The following TOPAZ1 variants were observed in gnomAD, a reference collection of about 807,000 sequenced individuals.
The protein encoded by TOPAZ1 is testis and ovary specific TOPAZ 1, also known as protein TOPAZ1.
TOPAZ1 carries 66 observed loss-of-function variants against 172.2 expected under a neutral mutation model. That is an observed-to-expected ratio of 0.38 (90% CI 0.31 to 0.47). The LOEUF is 0.47. Ranked by LOEUF, TOPAZ1 falls within the 20% of genes least tolerant of loss-of-function variation. The pLI is 0.99. For missense variants in TOPAZ1, 1,822 were observed against 1,972.4 expected, an observed-to-expected ratio of 0.92 and a Z score of 1.44; for synonymous variants, 681 against 683.9, an observed-to-expected ratio of 1.00 and a Z score of 0.07.
At chr3:44,269,175 G>GT (rs1481051085) in intron 6 of TOPAZ1, 41 bp from the exon 7 acceptor site, 1 of 1,059,438 alleles carries the variant, frequency 9.4e-7, no homozygotes, top group African/African-American at 1.6e-5. Flanking sequence ...AAAATAAGTT[G>GT]TAACATATTG....
At chr3:44,298,921 T>TG (rs1482074547) in intron 12 of TOPAZ1, among the ~76,000 whole-genome samples, 5 of 41,730 alleles carry the variant, frequency 1.2e-4, no homozygotes, top group African/African-American at 4.4e-4. Context: ...TTTTTTTTTT[T>TG]TTTTTTTTTT....
chr3:44,306,568 A>G, intron 15 of TOPAZ1, 142 bp downstream of exon 15: 1 of 503,800 alleles, frequency 2.0e-6, no homozygotes, highest in Non-Finnish European at 3.6e-6. Context: ...CTAGTGAGTG[A>G]TTTATTAGAT....
rs370397602 is a variant in TOPAZ1, at chr3:44,273,414, CTTT to C, written c.3372+2607_3372+2609del. The stretch of plus-strand genomic sequence containing the variant: ...CAAGAGCCAGAGTTTCTTACATCTT[CTTT>C]TTGTTTTCAATCTCTTTTCCTCTTT... On this transcript the variant is annotated intron_variant, in intron 8 of 19. Coordinates refer to ENST00000309765, the MANE Select transcript of TOPAZ1 (RefSeq NM_001145030.2). Among the ~76,000 whole-genome samples, 315 of 152,304 alleles carry C rather than the reference CTTT, an allele frequency of 2.1e-3. 1 individual carries two copies. Among genetic ancestry groups the C allele is most frequent in the African/African-American group, 6.4e-3 (267 of 41,576 alleles).
chr3:44,287,505 C>G lies in TOPAZ1; in HGVS notation c.3553C>G (p.Gln1185Glu), dbSNP rs972683912. ...ACATTGTTTGTTGAAAGAAGTATTT[C>G]AGATAGTGAACCTCAGCATAATGGT... is the stretch of plus-strand genomic sequence containing the variant. ...LKHCLLKEVF[Q>E]IVNLSIMVKM... The change falls in exon 10 of 20, where the codon CAG (glutamine) becomes GAG (glutamate). Residue 1185 changes from glutamine to glutamate, a missense_variant. Coordinates refer to ENST00000309765, the MANE Select transcript of TOPAZ1 (RefSeq NM_001145030.2). 1 of 1,523,282 alleles carries G rather than the reference C, an allele frequency of 6.6e-7. No homozygotes were observed. Among genetic ancestry groups the G allele is most frequent in the Non-Finnish European group, 8.8e-7 (1 of 1,134,888 alleles). The allele number at this position is 1,523,282 out of a possible 1,614,324, so 94.4% of individuals were successfully genotyped here.
intron 16 of TOPAZ1, 93 bp downstream of exon 16, chr3:44,310,083 G>T: frequency 1.2e-5 from 15 of 1,202,786 alleles, no homozygotes; most frequent in Non-Finnish European, 1.7e-5. Context: ...TTGAACTGTG[G>T]TTAATAGTTT....
At chr3:44,310,814 A>G (rs1700390030) in intron 16 of TOPAZ1, among the ~76,000 whole-genome samples, 1 of 152,196 alleles carries the variant, frequency 6.6e-6, no homozygotes, top group Admixed American at 6.5e-5. Flanking sequence ...ATGACTTCAA[A>G]CCAAGATGAG....
chr3:44,295,949 C>T (rs1449447722), intron 12 of TOPAZ1, among the ~76,000 whole-genome samples: 3 of 152,118 alleles, frequency 2.0e-5, no homozygotes, highest in Middle Eastern at 3.2e-3. Flanking sequence ...ATGGAATATT[C>T]ACCAAGGTAG....
chr3:44,265,577 A>C (rs938427264), intron 5 of TOPAZ1, among the ~76,000 whole-genome samples: 1 of 152,224 alleles, frequency 6.6e-6, no homozygotes, highest in African/African-American at 2.4e-5. Flanking sequence ...ACAGAAAAAA[A>C]CCAAAATATT....
rs527943102 is a variant in TOPAZ1 at position 44,290,883 on chromosome 3, C to T, written c.3794C>T (p.Ser1265Leu). The stretch of plus-strand genomic sequence containing the variant: ...ATAACTGCAGTTCTGGAAATGAAAT[C>T]GAGGTGAGAAAAATCATTATTATTT... ...QEITAVLEMK[S>L]RLQMRRFKKN... The change falls in exon 12 of 20, where the codon TCG becomes TTG. Residue 1265 changes from serine (S) to leucine (L), a missense_variant. By Grantham distance (145) the Ser-to-Leu change is moderately radical (BLOSUM62 -2). Coordinates refer to ENST00000309765, the MANE Select transcript of TOPAZ1 (RefSeq NM_001145030.2). 1.3e-5 allele frequency: 20 copies of T among 1,533,694 alleles called. No homozygotes were observed. Among genetic ancestry groups the T allele is most frequent in the Admixed American group, 4.2e-5 (2 of 47,750 alleles).
chr3:44,284,704 GA>G (rs1036775126), intron 9 of TOPAZ1, among the ~76,000 whole-genome samples: 1 of 152,098 alleles, frequency 6.6e-6, no homozygotes, highest in African/African-American at 2.4e-5. Flanking sequence ...TCCCTTTCCA[GA>G]AGTTTTATGG....
rs200638016 is a variant in TOPAZ1 at position 44,299,933 on chromosome 3, C to T, written c.3798-4082C>T. Among the ~76,000 whole-genome samples, 11 of 110,182 alleles carry T rather than the reference C, an allele frequency of 1.0e-4. No homozygotes were observed. The East Asian group carries it at 3.1e-3, about 31-fold the overall frequency. The allele number at this position is 110,182 out of a possible 152,430, so 72.3% of individuals were successfully genotyped here. On this transcript the variant is annotated intron_variant, in intron 12 of 19. Coordinates refer to ENST00000309765, the MANE Select transcript of TOPAZ1 (RefSeq NM_001145030.2). Reference sequence around the variant, plus strand: ...CACATGGACACAGGAAGAGGAACATCACACTCTGGGGACTGTTGTGGGGTG... The same window carrying T: ...CACATGGACACAGGAAGAGGAACATTACACTCTGGGGACTGTTGTGGGGTG...
At chr3:44,320,914 AT>A (rs1355480673) in intron 16 of TOPAZ1, 112 bp from the exon 17 acceptor site, 2 of 649,006 alleles carry the variant, frequency 3.1e-6, no homozygotes, top group Non-Finnish European at 5.1e-6. Flanking sequence ...CTGAGTACAT[AT>A]GTTTAAGTTT....
rs1230872005 is a variant in TOPAZ1 at position 44,270,781 on chromosome 3, G to A, written c.3343G>A (p.Ala1115Thr). ...CTGTGAGCGACCACTGTGCAAGTTT[G>A]CTCATGTGCCTGAACAAGGGGATGA... ...RGCERPLCKF[A>T]HVPEQGDEKV... is the part of the protein sequence containing the mutation. The change falls in exon 8 of 20, where the codon GCT (alanine) becomes ACT (threonine). Residue 1115 changes from alanine (A) to threonine (T), a missense_variant. Coordinates refer to ENST00000309765, the MANE Select transcript of TOPAZ1 (RefSeq NM_001145030.2). 3 of 1,549,648 alleles carry A rather than the reference G, an allele frequency of 1.9e-6. No homozygotes were observed. Among genetic ancestry groups the A allele is most frequent in the Admixed American group, 3.9e-5 (2 of 50,710 alleles).
intron 5 of TOPAZ1, among the ~76,000 whole-genome samples, chr3:44,264,947 T>C (rs1699813954): frequency 6.6e-6 from 1 of 152,242 alleles, no homozygotes; most frequent in Non-Finnish European, 1.5e-5. Context: ...TTTCTTGCTA[T>C]GTCCTCCACA....
chr3:44,290,105 A>G (rs1700120229), intron 11 of TOPAZ1, among the ~76,000 whole-genome samples: 1 of 148,626 alleles, frequency 6.7e-6, no homozygotes, highest in Non-Finnish European at 1.5e-5. Flanking sequence ...GGGGCAACTA[A>G]TAAGACTGCC....
Position 44,270,732 on chromosome 3 carries a change from A to G in TOPAZ1, c.3294A>G (p.Lys1098=), listed in dbSNP as rs1331659366. 3.9e-6 allele frequency: 6 copies of G among 1,550,628 alleles called. No individual in the cohort carries two copies. The highest frequency in any genetic ancestry group is 5.2e-6 in the Non-Finnish European group (6 of 1,146,456). The part of the protein sequence containing the change: ...LGLMIPYKYC[K]FHFNTLRGCE... ...TGATGATACCCTATAAATATTGCAAATTTCATTTTAATACATTACGTGGCT... is the reference window on the plus strand; with the variant it reads ...TGATGATACCCTATAAATATTGCAAGTTTCATTTTAATACATTACGTGGCT... Residue 1098 remains lysine (K), a synonymous_variant, in exon 8 of 20, where the codon AAA becomes AAG. Transcript: ENST00000309765.
chr3:44,310,367 T>A (rs1415242306), intron 16 of TOPAZ1, among the ~76,000 whole-genome samples: 1 of 152,034 alleles, frequency 6.6e-6, no homozygotes, highest in Non-Finnish European at 1.5e-5. Flanking sequence ...GGCATGGTGG[T>A]GGCCGCTTGT....
At chr3:44,257,352 G>GGTGGGTGT (rs1553645701) in intron 4 of TOPAZ1, among the ~76,000 whole-genome samples, 2 of 110,386 alleles carry the variant, frequency 1.8e-5, no homozygotes, top group Non-Finnish European at 3.6e-5. Flanking sequence ...AAAACATAGG[G>GGTGGGTGT]GTGTGTGTGT....
At chr3:44,321,375 C>A (rs1700504872) in intron 17 of TOPAZ1, among the ~76,000 whole-genome samples, 184 bp downstream of exon 17, 1 of 152,142 alleles carries the variant, frequency 6.6e-6, no homozygotes, top group Non-Finnish European at 1.5e-5. Flanking sequence ...TTAAAAAAAT[C>A]TGAGATGCTT....
Sources: gnomAD v4.1 joint callset for allele counts (sites outside exome capture counted in the v4.1 genomes callset) on GRCh38, gnomAD v4.1.1 for gene constraint, MANE v1.5 for transcripts, NCBI Gene and HGNC (gene_info 2026-07-23, HGNC 2026-07-21) for gene names.